The following PGM2L1 variants were observed in gnomAD, a reference collection of about 807,000 sequenced individuals.
PGM2L1 encodes phosphoglucomutase 2 like 1.
PGM2L1 carries 35 observed loss-of-function variants against 73.4 expected under a neutral mutation model. That is an observed-to-expected ratio of 0.48 (90% CI 0.36 to 0.63). The LOEUF (loss-of-function observed/expected upper bound fraction) is 0.63, where lower values mean the gene tolerates loss of function less well. PGM2L1 is among the 30% of genes least tolerant of loss of function. The pLI is 0.00. For missense variants in PGM2L1, 570 were observed against 742.0 expected (o/e 0.77, Z 2.69); for synonymous variants, 225 against 253.8 (o/e 0.89, Z 1.08).
At chr11:74,396,982 C>T (rs1863186364) in intron 1 of PGM2L1, among the ~76,000 whole-genome samples, 1 of 152,156 alleles carries the variant, frequency 6.6e-6, no homozygotes, top group South Asian at 2.1e-4. Flanking sequence ...CAAGTATTTC[C>T]TGGGTCTAAC....
chr11:74,338,882 TAAGA>T (rs1369882255), intron 12 of PGM2L1, among the ~76,000 whole-genome samples: 1 of 152,154 alleles, frequency 6.6e-6, no homozygotes, highest in Non-Finnish European at 1.5e-5. Context: ...TAAAAATGGT[TAAGA>T]TAGTTAATTT....
At chr11:74,360,752 T>C (rs1486301630) in intron 5 of PGM2L1, among the ~76,000 whole-genome samples, 4 of 152,216 alleles carry the variant, frequency 2.6e-5, no homozygotes, top group Non-Finnish European at 5.9e-5. Context: ...CAGGAGATTA[T>C]ATCCCGAGCC....
At chr11:74,363,301 T>C (rs1192057609) in intron 5 of PGM2L1, among the ~76,000 whole-genome samples, 2 of 151,922 alleles carry the variant, frequency 1.3e-5, no homozygotes, top group Non-Finnish European at 2.9e-5. Flanking sequence ...AGATCTAAAA[T>C]TGACACCCTA....
At chr11:74,361,090 A>C (rs1862555971) in intron 5 of PGM2L1, among the ~76,000 whole-genome samples, 1 of 152,174 alleles carries the variant, frequency 6.6e-6, no homozygotes, top group Non-Finnish European at 1.5e-5. Flanking sequence ...GAGAACGGAG[A>C]GACTGCCTCC....
At chr11:74,369,537 G>A (rs1862718160) in intron 4 of PGM2L1, among the ~76,000 whole-genome samples, 1 of 152,128 alleles carries the variant, frequency 6.6e-6, no homozygotes, top group African/African-American at 2.4e-5. Context: ...CCCAGAGGAA[G>A]TGACACCAAC....
chr11:74,370,871 A>G (rs967395779), intron 4 of PGM2L1, 31 bp downstream of exon 4: 9 of 1,530,012 alleles, frequency 5.9e-6, no homozygotes, highest in Non-Finnish European at 8.1e-6. Context: ...AAGAGCAGCA[A>G]GCTATATGAT....
chr11:74,363,483 TAAAG>T lies in PGM2L1; in HGVS notation c.555+5005_555+5008del, dbSNP rs1391978333. Among the ~76,000 whole-genome samples, 8 of 150,576 alleles carry T rather than the reference TAAAG, an allele frequency of 5.3e-5. No individual in the cohort carries two copies. In the East Asian group the frequency reaches 1.2e-3, roughly 22 times the overall value. The stretch of plus-strand genomic sequence containing the variant: ...ACTGACAGACCGCTAGCAAGACTAA[TAAAG>T]AAAAAAAGAGAGAAGAATCAAATGG... On this transcript the variant is annotated intron_variant, in intron 5 of 13. Coordinates refer to ENST00000298198, the MANE Select transcript of PGM2L1 (RefSeq NM_173582.6).
chr11:74,357,319 G>A (rs1862474255), intron 5 of PGM2L1, among the ~76,000 whole-genome samples: 1 of 152,188 alleles, frequency 6.6e-6, no homozygotes, highest in Non-Finnish European at 1.5e-5. Flanking sequence ...TCTGAAAAAG[G>A]ACTGTTATCC....
chr11:74,350,674 C>T (rs1204532441), intron 6 of PGM2L1, among the ~76,000 whole-genome samples: 4 of 152,054 alleles, frequency 2.6e-5, no homozygotes, highest in South Asian at 2.1e-4. Context: ...GTCAGGAGTT[C>T]GAGACCAGCC....
At chr11:74,369,746 A>T (rs1364623441) in intron 4 of PGM2L1, among the ~76,000 whole-genome samples, 1 of 152,096 alleles carries the variant, frequency 6.6e-6, no homozygotes, top group East Asian at 1.9e-4. Context: ...GATAAGTTTT[A>T]TTAATTTATT....
intron 13 of PGM2L1, among the ~76,000 whole-genome samples, chr11:74,338,083 A>G (rs1862124284): frequency 6.6e-6 from 1 of 152,214 alleles, no homozygotes; most frequent in South Asian, 2.1e-4. Flanking sequence ...CAAAACTTTA[A>G]AAAAAGGAAT....
intron 13 of PGM2L1, among the ~76,000 whole-genome samples, chr11:74,337,457 C>A (rs1464718837): frequency 6.6e-6 from 1 of 152,178 alleles, no homozygotes; most frequent in Non-Finnish European, 1.5e-5. Context: ...TCCTTAAATG[C>A]AAAGATTTGG....
At chr11:74,362,440 T>C (rs1343283068) in intron 5 of PGM2L1, among the ~76,000 whole-genome samples, 3 of 152,150 alleles carry the variant, frequency 2.0e-5, no homozygotes, top group Admixed American at 2.0e-4. Flanking sequence ...TGCAAAAACA[T>C]GTCAAATTGT....
Position 74,342,536 on chromosome 11 carries a change from A to G in PGM2L1, c.1557T>C (p.Phe519=). 2 of 1,610,238 alleles carry G rather than the reference A, an allele frequency of 1.2e-6. No homozygotes were observed. Among genetic ancestry groups the G allele is most frequent in the Non-Finnish European group, 1.7e-6 (2 of 1,177,876 alleles). The part of the protein sequence containing the change: ...NFDSPKEYPK[F]CGTFAILHVR... ...CATGCAATATAGCAAATGTTCCACA[A>G]AATTTTGGATATTCTTTTGGAGAAT... The change falls in exon 12 of 14, where the codon TTT becomes TTC. Residue 519 remains phenylalanine, a synonymous_variant. Coordinates refer to ENST00000298198, the MANE Select transcript of PGM2L1 (RefSeq NM_173582.6).
intron 6 of PGM2L1, 22 bp from the exon 7 acceptor site, chr11:74,347,359 A>C: frequency 1.3e-6 from 2 of 1,534,844 alleles, no homozygotes; most frequent in South Asian, 1.3e-5. Context: ...AATCAACATA[A>C]GATCATGATT....
chr11:74,338,082 A>G (rs186308584), intron 13 of PGM2L1, among the ~76,000 whole-genome samples: 1 of 152,196 alleles, frequency 6.6e-6, no homozygotes, highest in East Asian at 1.9e-4. Context: ...ACAAAACTTT[A>G]AAAAAAGGAA....
chr11:74,373,806 C>T (rs1862812156), intron 2 of PGM2L1, among the ~76,000 whole-genome samples: 1 of 152,052 alleles, frequency 6.6e-6, no homozygotes, highest in Non-Finnish European at 1.5e-5. Flanking sequence ...ATTGGATATG[C>T]TAATATACAT....
In PGM2L1 at chr11:74,366,975, T is replaced by G. The variant is rs552369224; in HGVS notation, c.555+1517A>C. On this transcript the variant is annotated intron_variant, in intron 5 of 13. Transcript: ENST00000298198. ...ACCAATTAGGATGCTTAGGTTCAGA[T>G]AGAAGACAACAATGGTTTAGAATGA... 1.1e-4 allele frequency among the ~76,000 whole-genome samples: 17 copies of G among 152,320 alleles called. No homozygotes were observed. The South Asian group carries it at 3.5e-3, about 32-fold the overall frequency.
intron 13 of PGM2L1, among the ~76,000 whole-genome samples, chr11:74,337,062 A>T (rs1412995913): frequency 2.0e-4 from 31 of 152,328 alleles, no homozygotes; most frequent in African/African-American, 7.0e-4. Flanking sequence ...CTTTGAACAC[A>T]AATACCAGGT....
Sources: allele counts gnomAD v4.1 joint callset (sites outside exome capture counted in the v4.1 genomes callset), GRCh38; gene constraint gnomAD v4.1.1; transcripts MANE v1.5; gene names NCBI Gene and HGNC (gene_info 2026-07-23, HGNC 2026-07-21).